The following KCNIP4 variants were observed in gnomAD, a reference collection of about 807,000 sequenced individuals.
The protein encoded by KCNIP4 is Kv channel-interacting protein 4.
In KCNIP4, 12 loss-of-function variants were observed where a neutral mutation model predicts 34.0. The ratio of observed to expected loss-of-function variants is 0.35; its 90% CI spans 0.23 to 0.57. The LOEUF (loss-of-function observed/expected upper bound fraction) is 0.57. Ranked by LOEUF, KCNIP4 falls within the 20% of genes least tolerant of loss-of-function variation. The probability of loss-of-function intolerance (pLI) is 0.83; values close to 1 mark genes in which losing one functional copy is unlikely to be tolerated. For missense variants in KCNIP4, 238 were observed against 311.7 expected (o/e 0.76, Z 1.78); for synonymous variants, 124 against 102.2 (o/e 1.21, Z -1.29).
intron 3 of KCNIP4, among the ~76,000 whole-genome samples, chr4:20,777,481 A>C (rs572266869): frequency 6.6e-6 from 1 of 152,288 alleles, no homozygotes; most frequent in South Asian, 2.1e-4. Context: ...ATGTTCTTAT[A>C]AAAGAGGCCC....
intron 1 of KCNIP4, among the ~76,000 whole-genome samples, chr4:21,836,071 G>A (rs1177299248): frequency 6.6e-6 from 1 of 152,094 alleles, no homozygotes; most frequent in Admixed American, 6.5e-5. Context: ...TCTTTGGGTG[G>A]ACTGGTTGTG....
At chr4:20,890,369 A>G (rs1422933426) in intron 1 of KCNIP4, among the ~76,000 whole-genome samples, 2 of 152,182 alleles carry the variant, frequency 1.3e-5, no homozygotes, top group East Asian at 1.9e-4. Flanking sequence ...GGGGAAAGAC[A>G]TAATTTTAAA....
intron 1 of KCNIP4, among the ~76,000 whole-genome samples, chr4:21,226,354 A>AAGGAAGGAAGGAAGGAAGGAAG (rs1758398619): frequency 8.1e-5 from 11 of 135,908 alleles, no homozygotes; most frequent in Admixed American, 7.3e-5. Flanking sequence ...GAGAAGGAAG[A>AAGGAAGGAAGGAAGGAAGGAAG]GAAGGAAGGA....
chr4:21,878,865 A>G (rs1372418840), intron 1 of KCNIP4, among the ~76,000 whole-genome samples: 2 of 152,192 alleles, frequency 1.3e-5, no homozygotes, highest in Non-Finnish European at 2.9e-5. Flanking sequence ...GATGAACATA[A>G]AGAAGTGAGC....
At chr4:21,612,671 A>C (rs1744249629) in intron 1 of KCNIP4, among the ~76,000 whole-genome samples, 1 of 152,238 alleles carries the variant, frequency 6.6e-6, no homozygotes, top group South Asian at 2.1e-4. Flanking sequence ...CAGATCAATT[A>C]TTCATTAAAT....
At chr4:21,385,461 C>T (rs767151242) in intron 1 of KCNIP4, among the ~76,000 whole-genome samples, 6 of 152,070 alleles carry the variant, frequency 3.9e-5, no homozygotes, top group East Asian at 1.9e-4. Context: ...TACCGGAATG[C>T]CTGTATTTGA....
chr4:21,500,991 CTT>C (rs33955550), intron 1 of KCNIP4, among the ~76,000 whole-genome samples: 8,794 of 152,050 alleles, frequency 0.058, 634 homozygotes, highest in African/African-American at 0.16. Flanking sequence ...ATAAAAGGTG[CTT>C]TTAAGACACT....
chr4:21,566,696 T>C (rs146558637), intron 1 of KCNIP4, among the ~76,000 whole-genome samples: 1 of 152,148 alleles, frequency 6.6e-6, no homozygotes, highest in Non-Finnish European at 1.5e-5. Context: ...GCAGTAGAGG[T>C]AGAAAGGAAG....
intron 1 of KCNIP4, among the ~76,000 whole-genome samples, chr4:21,096,940 G>C (rs1367712645): frequency 2.0e-5 from 3 of 152,010 alleles, no homozygotes; most frequent in African/African-American, 4.8e-5. Context: ...TTAATTTAAA[G>C]CTGGACAGAC....
At chr4:21,676,912 A>C (rs1749952142) in intron 1 of KCNIP4, among the ~76,000 whole-genome samples, 1 of 152,070 alleles carries the variant, frequency 6.6e-6, no homozygotes, top group Admixed American at 6.6e-5. Context: ...TAAAGGAAAG[A>C]GCAAAAATAT....
At chr4:20,788,277 C>T (rs1712266612) in intron 3 of KCNIP4, among the ~76,000 whole-genome samples, 1 of 151,994 alleles carries the variant, frequency 6.6e-6, no homozygotes, top group African/African-American at 2.4e-5. Context: ...ATCTACATGA[C>T]AATGAAAAGG....
At chr4:21,784,887 AT>A (rs750488271) in intron 1 of KCNIP4, among the ~76,000 whole-genome samples, 33 of 152,224 alleles carry the variant, frequency 2.2e-4, no homozygotes, top group Admixed American at 1.7e-3. Flanking sequence ...TTACTTAAAT[AT>A]TTTCAAAACC....
At chr4:21,003,532 T>G (rs1011453216) in intron 1 of KCNIP4, among the ~76,000 whole-genome samples, 3 of 152,176 alleles carry the variant, frequency 2.0e-5, no homozygotes, top group African/African-American at 7.2e-5. Flanking sequence ...TTGTCCCTGG[T>G]GAAAAGACAC....
At chr4:20,899,394 A>G (rs1029690143) in intron 1 of KCNIP4, among the ~76,000 whole-genome samples, 4 of 152,182 alleles carry the variant, frequency 2.6e-5, no homozygotes, top group Non-Finnish European at 4.4e-5. Context: ...CATTTTATTT[A>G]TTAGAAACTG....
intron 1 of KCNIP4, among the ~76,000 whole-genome samples, chr4:21,397,799 G>T (rs1723132573): frequency 2.0e-5 from 3 of 152,160 alleles, no homozygotes; most frequent in Non-Finnish European, 4.4e-5. Context: ...GGGGGCTCCT[G>T]TTTTCAATAG....
chr4:21,924,407 C>T (rs1218396186), intron 1 of KCNIP4, among the ~76,000 whole-genome samples: 2 of 151,842 alleles, frequency 1.3e-5, no homozygotes, highest in South Asian at 2.1e-4. Context: ...CCACACCTGG[C>T]TAATTTTTTT....
intron 1 of KCNIP4, among the ~76,000 whole-genome samples, chr4:20,888,676 C>G (rs1451258548): frequency 6.6e-6 from 1 of 152,124 alleles, no homozygotes; most frequent in African/African-American, 2.4e-5. Context: ...CTACAATGGA[C>G]AGATTCATAT....
At chr4:20,942,994 C>T (rs1178863590) in intron 1 of KCNIP4, among the ~76,000 whole-genome samples, 1 of 152,140 alleles carries the variant, frequency 6.6e-6, no homozygotes, top group Admixed American at 6.6e-5. Context: ...TTCTAAGGAG[C>T]TTATGTACTT....
chr4:21,947,764 T>C (rs1730586821), intron 1 of KCNIP4, among the ~76,000 whole-genome samples: 1 of 152,160 alleles, frequency 6.6e-6, no homozygotes, highest in African/African-American at 2.4e-5. Context: ...CCAAAATCAC[T>C]TCCATTCTCT....
Sources: allele counts gnomAD v4.1 joint callset (sites outside exome capture counted in the v4.1 genomes callset), GRCh38; gene constraint gnomAD v4.1.1; transcripts MANE v1.5; gene names NCBI Gene and HGNC (gene_info 2026-07-23, HGNC 2026-07-21).